Variants in EVX2 observed in about 807,000 individuals in gnomAD.
EVX2 encodes homeobox even-skipped homolog protein 2.
EVX2 carries 10 observed loss-of-function variants against 19.2 expected under a neutral mutation model. The ratio of observed to expected loss-of-function variants is 0.52; its 90% confidence interval spans 0.32 to 0.89. The LOEUF (loss-of-function observed/expected upper bound fraction) is 0.89. Among genes scored for constraint, EVX2 ranks in the 40% least tolerant of loss-of-function variants. The pLI is 0.03. For synonymous variants in EVX2, 354 were observed against 328.4 expected (o/e 1.08, Z -0.84); for missense variants, 710 against 694.9 (o/e 1.02, Z -0.24).
chr2:176,080,954 C>T lies in EVX2; in HGVS notation c.700-116G>A. The T allele has an allele frequency of 3.8e-6, 5 of 1,306,892 alleles. No homozygotes were observed. The highest frequency in any genetic ancestry group is 5.1e-6 in the Non-Finnish European group (5 of 978,748). 81.0% of individuals were successfully genotyped at this position (1,306,892 alleles called of 1,614,324 possible). ...AATGGCTTGGTCTACTTCTCTCCGA[C>T]CAAGCCCAACCCCGAGTACCCTGTG... On this transcript the variant is annotated intron_variant, in intron 2 of 2. Coordinates refer to ENST00000308618, the MANE Select transcript of EVX2 (RefSeq NM_001080458.2). The surrounding 1 kb of genome is among the most constrained non-coding windows in gnomAD (Gnocchi z 7.0).
At position 176,082,878 on chromosome 2, in the gene EVX2, G is replaced by T. The variant is rs937237166; in HGVS notation, c.428-429C>A. Among the ~76,000 whole-genome samples the T allele has an allele frequency of 6.6e-6, 1 of 152,200 alleles. No homozygotes were observed. The highest frequency in any genetic ancestry group is 1.5e-5 in the Non-Finnish European group (1 of 68,042). On this transcript the variant is annotated intron_variant, in intron 1 of 2. Transcript: ENST00000308618. This position sits in a 1 kb window ranked among gnomAD's most constrained non-coding sequence, Gnocchi z 5.2. Reference sequence around the variant, plus strand: ...TAGCTCAAACCCAAGCCAATAGGGGGTGAAATATACTTTTCAACTCTTTCT... The same window carrying T: ...TAGCTCAAACCCAAGCCAATAGGGGTTGAAATATACTTTTCAACTCTTTCT...
rs771211020 is a variant in EVX2, at chr2:176,083,551, A to G, written c.226T>C (p.Leu76=). 47 of 1,613,904 alleles carry G rather than the reference A, an allele frequency of 2.9e-5. No individual in the cohort carries two copies. Among genetic ancestry groups the G allele is most frequent in the African/African-American group, 1.1e-4 (8 of 74,886 alleles). Reference sequence around the variant, plus strand: ...CTGCCCGTGTGCTGCAGGTTGAACAAAGTGTCTATTTCGAATTTGCCCTTG... The same window carrying G: ...CTGCCCGTGTGCTGCAGGTTGAACAGAGTGTCTATTTCGAATTTGCCCTTG... ...PAKGKFEIDT[L]FNLQHTGSES... The change falls in exon 1 of 3, where the codon TTG becomes CTG. Residue 76 remains leucine (L), a synonymous_variant. Transcript: ENST00000308618. The surrounding 1 kb of genome is among the most constrained non-coding windows in gnomAD (Gnocchi z 4.4).
At position 176,080,312 on chromosome 2, in the gene EVX2, A is replaced by G. The variant is rs1395567554; in HGVS notation, c.1226T>C (p.Leu409Pro). The change falls in exon 3 of 3, where the codon CTG becomes CCG. Residue 409 changes from leucine (L) to proline (P), a missense_variant. Physicochemically the swap from Leu to Pro is moderately conservative, Grantham distance 98. Transcript: ENST00000308618. This position sits in a 1 kb window ranked among gnomAD's most constrained non-coding sequence, Gnocchi z 7.0. Reference sequence around the variant, plus strand: ...GCCGCCACCGCCACCCCGGGAACCCAGGGCTGCGGCAGCTGCTGCCGCGGC... The same window carrying G: ...GCCGCCACCGCCACCCCGGGAACCCGGGGCTGCGGCAGCTGCTGCCGCGGC... ...AAAAAAAAAA[L>P]GSRGGGGGGG... The G allele has an allele frequency of 5.4e-6, 7 of 1,307,642 alleles. No homozygotes were observed. The highest frequency in any genetic ancestry group is 6.9e-6 in the Non-Finnish European group (7 of 1,021,190). The allele number at this position is 1,307,642 out of a possible 1,614,324, so 81.0% of individuals were successfully genotyped here.
Position 176,080,007 on chromosome 2 carries a change from C to T in EVX2, c.*100G>A. On this transcript the variant is annotated 3_prime_UTR_variant, in exon 3 of 3. Transcript: ENST00000308618. This position sits in a 1 kb window ranked among gnomAD's most constrained non-coding sequence, Gnocchi z 7.0. ...GCCCCGGGGCGCCCCCTGGCGGCAG[C>T]GGCAGCAGCGGGCAACGCGCGGAGG... 6 of 1,259,432 alleles carry T rather than the reference C, an allele frequency of 4.8e-6. No individual in the cohort carries two copies. The South Asian group carries it at 7.5e-5, about 16-fold the overall frequency. 78.0% of individuals were successfully genotyped at this position (1,259,432 alleles called of 1,614,324 possible). A position where few individuals can be genotyped will look rare whatever the true frequency, so the allele number is the denominator to read the frequency against.
In EVX2 at chr2:176,083,276, G is replaced by A. The variant is rs1689173680; in HGVS notation, c.427+74C>T. On this transcript the variant is annotated intron_variant, in intron 1 of 2. Coordinates refer to ENST00000308618, the MANE Select transcript of EVX2 (RefSeq NM_001080458.2). This position sits in a 1 kb window ranked among gnomAD's most constrained non-coding sequence, Gnocchi z 4.4. ...AGGGTCTGAGAGGGGAAAAGGCACC[G>A]GGAAAGGCTGGCGGGGGCCGCGGAG... is the stretch of plus-strand genomic sequence containing the variant. 7.5e-6 allele frequency: 11 copies of A among 1,462,976 alleles called. No homozygotes were observed. Among genetic ancestry groups the A allele is most frequent in the South Asian group, 1.3e-5 (1 of 74,904 alleles). 90.6% of individuals were successfully genotyped at this position (1,462,976 alleles called of 1,614,324 possible). A position where few individuals can be genotyped will look rare whatever the true frequency, so the allele number is the denominator to read the frequency against.
At position 176,080,428 on chromosome 2, in the gene EVX2, GGCCGCAGCCGCTGCGGCTGCCGCGGCT is replaced by G; in HGVS notation, c.1083_1109del (p.Ala362_Ala370del). 1.8e-6 allele frequency: 2 copies of G among 1,106,476 alleles called. No homozygotes were observed. Among genetic ancestry groups the G allele is most frequent in the Non-Finnish European group, 2.2e-6 (2 of 909,434 alleles). 68.5% of individuals were successfully genotyped at this position (1,106,476 alleles called of 1,614,324 possible). ...GCGCGCCGGCCGCCGCCGCCGAGGAGGCCGCAGCCGCTGCGGCTGCCGCGGCTGCCGCGGCAGAGGCCGCGCTGTTGA... is the reference window on the plus strand; with the variant it reads ...GCGCGCCGGCCGCCGCCGCCGAGGAGGCCGCGGCAGAGGCCGCGCTGTTGA... On this transcript the variant is annotated inframe_deletion, in exon 3 of 3. Coordinates refer to ENST00000308618, the MANE Select transcript of EVX2 (RefSeq NM_001080458.2). The surrounding 1 kb of genome is among the most constrained non-coding windows in gnomAD (Gnocchi z 7.0).
In EVX2 at chr2:176,083,671, C is replaced by T. The variant is rs777432711; in HGVS notation, c.106G>A (p.Val36Met). 4.3e-6 allele frequency: 7 copies of T among 1,614,040 alleles called. No homozygotes were observed. The highest frequency in any genetic ancestry group is 5.9e-6 in the Non-Finnish European group (7 of 1,180,048). Reference sequence around the variant, plus strand: ...TGCGAATTTTCCAGGGCCTCGAGCACAGCATTGCCAGCCGAGTTGGACAAA... The same window carrying T: ...TGCGAATTTTCCAGGGCCTCGAGCATAGCATTGCCAGCCGAGTTGGACAAA... ...SNLSNSAGNA[V>M]LEALENSQHP... Residue 36 changes from valine to methionine, a missense_variant, in exon 1 of 3, where the codon GTG (valine) becomes ATG (methionine). Physicochemically the swap from Val to Met is conservative, Grantham distance 21. Transcript: ENST00000308618. The surrounding 1 kb of genome is among the most constrained non-coding windows in gnomAD (Gnocchi z 4.4).
rs1363817291 is a variant in EVX2, at chr2:176,080,878, C to G, written c.700-40G>C. The G allele has an allele frequency of 6.3e-7, 1 of 1,577,490 alleles. No homozygotes were observed. Among genetic ancestry groups the G allele is most frequent in the East Asian group, 2.2e-5 (1 of 44,468 alleles). On this transcript the variant is annotated intron_variant, in intron 2 of 2. Coordinates refer to ENST00000308618, the MANE Select transcript of EVX2 (RefSeq NM_001080458.2). This position sits in a 1 kb window ranked among gnomAD's most constrained non-coding sequence, Gnocchi z 7.0. The stretch of plus-strand genomic sequence containing the variant: ...GCGCCGCAGCCTGGGTTAGGGAGCG[C>G]CCCGTGTTCCCAGCTCCTGTCCCAG...
At position 176,080,740 on chromosome 2, in the gene EVX2, CGTCATCAT is replaced by C; in HGVS notation, c.790_797del (p.Met264AlafsTer71). 6.2e-7 allele frequency: 1 copy of C among 1,609,426 alleles called. No individual in the cohort carries two copies. On this transcript the variant is annotated frameshift_variant, in exon 3 of 3. Coordinates refer to ENST00000308618, the MANE Select transcript of EVX2 (RefSeq NM_001080458.2). LOFTEE classifies it low-confidence loss of function (END_TRUNC). This position sits in a 1 kb window ranked among gnomAD's most constrained non-coding sequence, Gnocchi z 7.0. ...GCAGGCTTCCGGTGGCGGCCGCGTG[CGTCATCAT>C]GTAGGTGTAGAAGCTGGGGTCGGCT...
Position 176,080,952 on chromosome 2 carries a change from G to A in EVX2, c.700-114C>T. The stretch of plus-strand genomic sequence containing the variant: ...TGAATGGCTTGGTCTACTTCTCTCC[G>A]ACCAAGCCCAACCCCGAGTACCCTG... On this transcript the variant is annotated intron_variant, in intron 2 of 2. Coordinates refer to ENST00000308618, the MANE Select transcript of EVX2 (RefSeq NM_001080458.2). This position sits in a 1 kb window ranked among gnomAD's most constrained non-coding sequence, Gnocchi z 7.0. The A allele has an allele frequency of 3.0e-6, 4 of 1,342,378 alleles. No homozygotes were observed. Among genetic ancestry groups the A allele is most frequent in the Non-Finnish European group, 3.0e-6 (3 of 1,010,508 alleles). The allele number at this position is 1,342,378 out of a possible 1,614,324, so 83.2% of individuals were successfully genotyped here.
In EVX2 at chr2:176,080,045, C is replaced by T; in HGVS notation, c.*62G>A. On this transcript the variant is annotated 3_prime_UTR_variant, in exon 3 of 3. Transcript: ENST00000308618. This position sits in a 1 kb window ranked among gnomAD's most constrained non-coding sequence, Gnocchi z 7.0. ...CAACGCGCGGAGGGCTCAGGGGGCG[C>T]ACAGGGGACTCCCGGGCACACTCAG... 1 of 1,451,484 alleles carries T rather than the reference C, an allele frequency of 6.9e-7. No homozygotes were observed. The highest frequency in any genetic ancestry group is 9.1e-7 in the Non-Finnish European group (1 of 1,099,644). The allele number at this position is 1,451,484 out of a possible 1,614,324, so 89.9% of individuals were successfully genotyped here.
Position 176,079,034 on chromosome 2 carries a change from G to A in EVX2, c.*1073C>T, listed in dbSNP as rs1689092872. ...CAAGAACCATTTCACCCGAGGAAAA[G>A]GAAAGCGAGGAGAGAAGGGGACGAG... On this transcript the variant is annotated 3_prime_UTR_variant, in exon 3 of 3. Transcript: ENST00000308618. The surrounding 1 kb of genome is among the most constrained non-coding windows in gnomAD (Gnocchi z 4.4). 1 of 152,528 alleles carries A rather than the reference G, an allele frequency of 6.6e-6. No individual in the cohort carries two copies. The highest frequency in any genetic ancestry group is 1.5e-5 in the Non-Finnish European group (1 of 68,216). The allele number at this position is 152,528 out of a possible 1,614,324, so 9.4% of individuals were successfully genotyped here. A position where few individuals can be genotyped will look rare whatever the true frequency, so the allele number is the denominator to read the frequency against.
Position 176,083,522 on chromosome 2 carries a change from T to G in EVX2, c.255A>C (p.Glu85Asp). 6.2e-7 allele frequency: 1 copy of G among 1,614,140 alleles called. No homozygotes were observed. Among genetic ancestry groups the G allele is most frequent in the Non-Finnish European group, 8.5e-7 (1 of 1,180,022 alleles). The change falls in exon 1 of 3, where the codon GAA (glutamate) becomes GAC (aspartate). Residue 85 changes from glutamate to aspartate, a missense_variant. By Grantham distance (45) the Glu-to-Asp change is conservative. Transcript: ENST00000308618. The surrounding 1 kb of genome is among the most constrained non-coding windows in gnomAD (Gnocchi z 4.4). ...AGGAGATTTCGGAGGAGACGGTGCT[T>G]TCGCTGCCCGTGTGCTGCAGGTTGA... is the stretch of plus-strand genomic sequence containing the variant. ...TLFNLQHTGS[E>D]STVSSEISSA...
At position 176,082,423 on chromosome 2, in the gene EVX2, C is replaced by G. The variant is rs759348844; in HGVS notation, c.454G>C (p.Gly152Arg). ...KGYAESGSAA[G>R]TTTSASGSGL... is the part of the protein sequence containing the mutation. ...GAGCCCGACGCCGACGTCGTGGTGC[C>G]GGCAGCCGAGCCGCTCTCTGCGTAC... The change falls in exon 2 of 3, where the codon GGC (glycine) becomes CGC (arginine). Residue 152 changes from glycine to arginine, a missense_variant. Gly to Arg is a moderately radical substitution (Grantham distance 125). Coordinates refer to ENST00000308618, the MANE Select transcript of EVX2 (RefSeq NM_001080458.2). The surrounding 1 kb of genome is among the most constrained non-coding windows in gnomAD (Gnocchi z 5.2). 16 of 1,565,414 alleles carry G rather than the reference C, an allele frequency of 1.0e-5. No homozygotes were observed. The highest frequency in any genetic ancestry group is 5.5e-5 in the African/African-American group (4 of 73,018).
rs1004839287 is a variant in EVX2, at chr2:176,083,014, G to A, written c.427+336C>T. Among the ~76,000 whole-genome samples the A allele has an allele frequency of 6.6e-6, 1 of 152,206 alleles. No individual in the cohort carries two copies. The highest frequency in any genetic ancestry group is 2.4e-5 in the African/African-American group (1 of 41,450). On this transcript the variant is annotated intron_variant, in intron 1 of 2. Transcript: ENST00000308618. This position sits in a 1 kb window ranked among gnomAD's most constrained non-coding sequence, Gnocchi z 4.4. ...AGGGGAGTTCAGAGTAGTTGCCCAG[G>A]GTACCTTTCCCAAAAGCAACTCGGC...
At position 176,080,217 on chromosome 2, in the gene EVX2, C is replaced by T. The variant is rs1008627738; in HGVS notation, c.1321G>A (p.Ala441Thr). ...CCGCTCTCGGAACGCGGCGCCGCCGCGCTGCAGCCGAAGTCCGAGCCTCCC... is the reference window on the plus strand; with the variant it reads ...CCGCTCTCGGAACGCGGCGCCGCCGTGCTGCAGCCGAAGTCCGAGCCTCCC... Reference protein sequence around the residue: ...AGGGSDFGCSAAAPRSESGFL... With the variant: ...AGGGSDFGCSTAAPRSESGFL... The change falls in exon 3 of 3, where the codon GCG becomes ACG. Residue 441 changes from alanine (A) to threonine (T), a missense_variant. Ala to Thr is a moderately conservative substitution (Grantham distance 58). Coordinates refer to ENST00000308618, the MANE Select transcript of EVX2 (RefSeq NM_001080458.2). The surrounding 1 kb of genome is among the most constrained non-coding windows in gnomAD (Gnocchi z 7.0). 1.4e-6 allele frequency: 2 copies of T among 1,447,620 alleles called. No individual in the cohort carries two copies. The highest frequency in any genetic ancestry group is 2.7e-5 in the South Asian group (2 of 75,180). 89.7% of individuals were successfully genotyped at this position (1,447,620 alleles called of 1,614,324 possible).
chr2:176,080,635 G>A lies in EVX2; in HGVS notation c.903C>T (p.Ala301=). 3.2e-6 allele frequency: 5 copies of A among 1,552,264 alleles called. No individual in the cohort carries two copies. The highest frequency in any genetic ancestry group is 3.5e-6 in the Non-Finnish European group (4 of 1,158,774). The change falls in exon 3 of 3, where the codon GCC becomes GCT. Residue 301 remains alanine (A), a synonymous_variant. Transcript: ENST00000308618. This position sits in a 1 kb window ranked among gnomAD's most constrained non-coding sequence, Gnocchi z 7.0. The part of the protein sequence containing the change: ...GVTAAAAAAA[A]SGAAAAASSP... ...ACGAAGCCGCGGCCGCCGCGCCTGA[G>A]GCTGCAGCCGCGGCCGCCGCCGCCG...
chr2:176,082,500 C>A lies in EVX2; in HGVS notation c.428-51G>T. The stretch of plus-strand genomic sequence containing the variant: ...ATGAGTGGCTGTAGGACCAACAGCC[C>A]GGCGCTGGCGCTGCGCGCGGATCGG... On this transcript the variant is annotated intron_variant, in intron 1 of 2. Coordinates refer to ENST00000308618, the MANE Select transcript of EVX2 (RefSeq NM_001080458.2). The surrounding 1 kb of genome is among the most constrained non-coding windows in gnomAD (Gnocchi z 5.2). 6.7e-7 allele frequency: 1 copy of A among 1,487,676 alleles called. No homozygotes were observed. The highest frequency in any genetic ancestry group is 8.9e-7 in the Non-Finnish European group (1 of 1,121,944). The allele number at this position is 1,487,676 out of a possible 1,614,324, so 92.2% of individuals were successfully genotyped here.
At position 176,080,371 on chromosome 2, in the gene EVX2, G is replaced by A; in HGVS notation, c.1167C>T (p.Cys389=). ...PPSGGSAPCS[C]LSCHSSQSAA... ...CCGACTGACTGCTGTGGCAACTGAG[G>A]CACGAGCAGGGTGCAGAGCCGCCGC... The change falls in exon 3 of 3, where the codon TGC becomes TGT. Residue 389 remains cysteine (C), a synonymous_variant. Transcript: ENST00000308618. The surrounding 1 kb of genome is among the most constrained non-coding windows in gnomAD (Gnocchi z 7.0). The A allele has an allele frequency of 1.6e-6, 2 of 1,225,402 alleles. No individual in the cohort carries two copies. The highest frequency in any genetic ancestry group is 2.0e-5 in the South Asian group (1 of 49,646). 75.9% of individuals were successfully genotyped at this position (1,225,402 alleles called of 1,614,324 possible).
Sources: allele counts gnomAD v4.1 joint callset (sites outside exome capture counted in the v4.1 genomes callset), GRCh38; gene constraint gnomAD v4.1.1; non-coding constraint Gnocchi (gnomAD v3.1); transcripts MANE v1.5; gene names NCBI Gene and HGNC (gene_info 2026-07-23, HGNC 2026-07-21).